Variants in SLC13A2 observed in about 807,000 individuals in gnomAD.
SLC13A2 encodes Na(+)-coupled citrate transporter.
SLC13A2 carries 40 observed loss-of-function variants against 58.5 expected under a neutral mutation model. The ratio of observed to expected loss-of-function variants is 0.68; its 90% CI spans 0.53 to 0.89. The LOEUF (loss-of-function observed/expected upper bound fraction) is 0.89, where lower values mean the gene tolerates loss of function less well. Ranked by LOEUF, SLC13A2 falls within the 40% of genes least tolerant of loss-of-function variation. SLC13A2 has a pLI of 0.00. For missense variants in SLC13A2, 694 were observed against 772.6 expected, an observed-to-expected ratio of 0.90 and a Z score of 1.21; for synonymous variants, 341 against 331.6, an observed-to-expected ratio of 1.03 and a Z score of -0.31.
intron 1 of SLC13A2, among the ~76,000 whole-genome samples, chr17:28,484,193 C>G (rs1021042149): frequency 6.6e-6 from 1 of 152,174 alleles, no homozygotes; most frequent in African/African-American, 2.4e-5. Flanking sequence ...CTTTTAGTCC[C>G]TAAAACTAAA....
chr17:28,494,325 C>T lies in SLC13A2; in HGVS notation c.1187-66C>T, dbSNP rs1346205871. 2.3e-5 allele frequency: 37 copies of T among 1,613,700 alleles called. No individual in the cohort carries two copies. The highest frequency in any genetic ancestry group is 3.3e-4 in the Middle Eastern group (2 of 6,084). On this transcript the variant is annotated intron_variant, in intron 8 of 11. Transcript: ENST00000314669. This position sits in a 1 kb window ranked among gnomAD's most constrained non-coding sequence, Gnocchi z 4.0. The stretch of plus-strand genomic sequence containing the variant: ...CCAAAAGGGACCCACACAGGGAGCC[C>T]GCAAATGGAGAGGGGAAAGGCCTGT...
chr17:28,482,771 C>T (rs2068807017), intron 1 of SLC13A2, among the ~76,000 whole-genome samples: 1 of 152,158 alleles, frequency 6.6e-6, no homozygotes, highest in African/African-American at 2.4e-5. Flanking sequence ...CCCCCTTTGC[C>T]CACTAACTGA....
chr17:28,481,306 A>G (rs546984703), intron 1 of SLC13A2, among the ~76,000 whole-genome samples: 1 of 152,296 alleles, frequency 6.6e-6, no homozygotes, highest in East Asian at 1.9e-4. Flanking sequence ...GCCTCTTAAA[A>G]CAGAAGCTGA....
At position 28,494,904 on chromosome 17, in the gene SLC13A2, A is replaced by C. The variant is rs1386095078; in HGVS notation, c.1308+392A>C. On this transcript the variant is annotated intron_variant, in intron 9 of 11. Transcript: ENST00000314669. The surrounding 1 kb of genome is among the most constrained non-coding windows in gnomAD (Gnocchi z 4.0). ...GCAGCCACCAGGGGGCACCATGATC[A>C]CACCCACCCAGGCTCTGGGGACCAG... Among the ~76,000 whole-genome samples, 3 of 152,070 alleles carry C rather than the reference A, an allele frequency of 2.0e-5. No homozygotes were observed. The highest frequency in any genetic ancestry group is 4.4e-5 in the Non-Finnish European group (3 of 67,998).
At position 28,473,772 on chromosome 17, in the gene SLC13A2, G is replaced by A. The variant is rs782360378; in HGVS notation, c.60G>A (p.Val20=). ...GCTCCTACCTGATCGTGTTCTTCGT[G>A]CCCATTCTCCTGCTGCCTCTGCCCA... The part of the protein sequence containing the change: ...AYRSYLIVFF[V]PILLLPLPIL... Residue 20 remains valine (V), a synonymous_variant, in exon 1 of 12, where the codon GTG becomes GTA. Transcript: ENST00000314669. 2.5e-6 allele frequency: 4 copies of A among 1,614,178 alleles called. No homozygotes were observed. In the South Asian group the frequency reaches 4.4e-5, roughly 18 times the overall value.
Position 28,493,555 on chromosome 17 carries a change from G to T in SLC13A2, c.879-16G>T, listed in dbSNP as rs377084502. Reference sequence around the variant, plus strand: ...GAGCAGGCCCCCCACGAGCTGCCCCGTCCCTCTGCCTGCAGCTTCCGGAAG... The same window carrying T: ...GAGCAGGCCCCCCACGAGCTGCCCCTTCCCTCTGCCTGCAGCTTCCGGAAG... On this transcript the variant is annotated splice_polypyrimidine_tract_variant and intron_variant, in intron 6 of 11. Coordinates refer to ENST00000314669, the MANE Select transcript of SLC13A2 (RefSeq NM_003984.4). The T allele has an allele frequency of 2.3e-5, 37 of 1,588,254 alleles. No individual in the cohort carries two copies. The African/African-American group carries it at 4.2e-4, about 18-fold the overall frequency.
intron 9 of SLC13A2, 36 bp from the exon 10 acceptor site, chr17:28,495,619 C>G: frequency 2.5e-6 from 4 of 1,593,158 alleles, no homozygotes; most frequent in Non-Finnish European, 3.4e-6. Flanking sequence ...GCCCAGGCAG[C>G]CTTGCCTCTC....
intron 6 of SLC13A2, 70 bp from the exon 7 acceptor site, chr17:28,493,501 A>T: frequency 1.5e-6 from 2 of 1,306,824 alleles, no homozygotes; most frequent in Non-Finnish European, 1.0e-6. Context: ...TTTAGATGGT[A>T]GGCACTCAGA....
chr17:28,489,134 G>C (rs1391477707), intron 1 of SLC13A2, 80 bp from the exon 2 acceptor site: 16 of 1,535,656 alleles, frequency 1.0e-5, no homozygotes, highest in Non-Finnish European at 1.3e-5. Context: ...AAATGGCCTG[G>C]TTTGTCTGAC....
chr17:28,494,095 C>G lies in SLC13A2; in HGVS notation c.1176C>G (p.Thr392=). Residue 392 remains threonine, a synonymous_variant, in exon 8 of 12, where the codon ACC becomes ACG. Coordinates refer to ENST00000314669, the MANE Select transcript of SLC13A2 (RefSeq NM_003984.4). This position sits in a 1 kb window ranked among gnomAD's most constrained non-coding sequence, Gnocchi z 4.0. ...FIIPSKFPGL[T]QDPENPGKLK... is the part of the protein sequence containing the mutation. ...TACCCTCCAAGTTCCCAGGGCTGAC[C>G]CAGGACCCAGGTAAGCACCTGGACT... 6.2e-7 allele frequency: 1 copy of G among 1,614,098 alleles called. No individual in the cohort carries two copies. The highest frequency in any genetic ancestry group is 8.5e-7 in the Non-Finnish European group (1 of 1,179,952).
chr17:28,477,486 G>GCA (rs1555600311), intron 1 of SLC13A2, among the ~76,000 whole-genome samples: 41 of 151,870 alleles, frequency 2.7e-4, no homozygotes, highest in East Asian at 1.2e-3. Flanking sequence ...GAGCCACCAT[G>GCA]CCCGGCCACC....
intron 1 of SLC13A2, chr17:28,487,305 C>G (rs1428167934): frequency 6.6e-6 from 1 of 152,538 alleles, no homozygotes; most frequent in African/African-American, 2.4e-5. Flanking sequence ...CTCAGGGTAG[C>G]AGGTGAAAGC....
At position 28,496,722 on chromosome 17, in the gene SLC13A2, T is replaced by C; in HGVS notation, c.1608+135T>C. The C allele has an allele frequency of 1.6e-6, 2 of 1,242,308 alleles. No individual in the cohort carries two copies. The highest frequency in any genetic ancestry group is 2.2e-6 in the Non-Finnish European group (2 of 910,642). The allele number at this position is 1,242,308 out of a possible 1,614,324, so 77.0% of individuals were successfully genotyped here. A position where few individuals can be genotyped will look rare whatever the true frequency, so the allele number is the denominator to read the frequency against. On this transcript the variant is annotated intron_variant, in intron 11 of 11. Coordinates refer to ENST00000314669, the MANE Select transcript of SLC13A2 (RefSeq NM_003984.4). This position sits in a 1 kb window ranked among gnomAD's most constrained non-coding sequence, Gnocchi z 4.2. ...GTCCTCATCTGGAATGAAGGTGCAG[T>C]TGGGGAGGTTGGGACATGACCTCTC... is the stretch of plus-strand genomic sequence containing the variant.
intron 1 of SLC13A2, among the ~76,000 whole-genome samples, chr17:28,478,105 T>C (rs1289469121): frequency 6.6e-6 from 1 of 152,122 alleles, no homozygotes; most frequent in Non-Finnish European, 1.5e-5. Flanking sequence ...TTACTACTAC[T>C]ATCTCCATTT....
At chr17:28,487,525 C>T in intron 1 of SLC13A2, 1 of 985,348 alleles carries the variant, frequency 1.0e-6, no homozygotes, top group South Asian at 4.7e-5. Flanking sequence ...AATACTTATA[C>T]AGAAACTTCT....
chr17:28,475,961 A>G (rs2068663386), intron 1 of SLC13A2, among the ~76,000 whole-genome samples: 1 of 152,180 alleles, frequency 6.6e-6, no homozygotes, highest in Admixed American at 6.5e-5. Flanking sequence ...GGTATTATCC[A>G]ATGAACACCA....
intron 4 of SLC13A2, 72 bp downstream of exon 4, chr17:28,490,978 C>A: frequency 7.3e-7 from 1 of 1,379,244 alleles, no homozygotes. Context: ...CTGTCCGTTT[C>A]GAGGGCTGGT....
rs928322198 is a variant in SLC13A2, at chr17:28,495,912, T to C, written c.1470+96T>C. The C allele has an allele frequency of 1.7e-5, 24 of 1,395,078 alleles. No individual in the cohort carries two copies. In the African/African-American group the frequency reaches 3.2e-4, roughly 18 times the overall value. The allele number at this position is 1,395,078 out of a possible 1,614,324, so 86.4% of individuals were successfully genotyped here. A position where few individuals can be genotyped will look rare whatever the true frequency, so the allele number is the denominator to read the frequency against. ...GGGCAGAGTATCCTGTCTTTGCACC[T>C]CCTCTTTTCCTTTTCCTGAAGAGGA... is the stretch of plus-strand genomic sequence containing the variant. On this transcript the variant is annotated intron_variant, in intron 10 of 11. Transcript: ENST00000314669.
rs140498983 is a variant in SLC13A2 at position 28,480,167 on chromosome 17, A to G, written c.102+6353A>G. Among the ~76,000 whole-genome samples the G allele has an allele frequency of 3.9e-3, 524 of 133,456 alleles. 1 individual carries two copies. The highest frequency in any genetic ancestry group is 0.027 in the Middle Eastern group (7 of 256). The allele number at this position is 133,456 out of a possible 152,430, so 87.6% of individuals were successfully genotyped here. A position where few individuals can be genotyped will look rare whatever the true frequency, so the allele number is the denominator to read the frequency against. On this transcript the variant is annotated intron_variant, in intron 1 of 11. Transcript: ENST00000314669. ...AGACTCTGTCTCAAAAAAAAAAAAA[A>G]GGGGGGGTCAAAAAAATTAGCTGGG...
Sources: allele counts gnomAD v4.1 joint callset (sites outside exome capture counted in the v4.1 genomes callset), GRCh38; gene constraint gnomAD v4.1.1; non-coding constraint Gnocchi (gnomAD v3.1); transcripts MANE v1.5; gene names NCBI Gene and HGNC (gene_info 2026-07-23, HGNC 2026-07-21).